TNFSF4: variants seen among roughly 807,000 people sequenced by gnomAD.
TNFSF4 encodes TNF superfamily member 4.
A neutral mutation model predicts 7.3 loss-of-function variants in TNFSF4; 4 were observed. That is an observed-to-expected ratio of 0.55 (90% CI 0.27 to 1.25). The LOEUF (loss-of-function observed/expected upper bound fraction) is 1.25, where lower values mean the gene tolerates loss of function less well. Ranked by LOEUF, TNFSF4 falls within the 50% of genes most tolerant of loss-of-function variation. The probability of loss-of-function intolerance (pLI) is 0.12; values close to 1 mark genes in which losing one functional copy is unlikely to be tolerated. For missense variants in TNFSF4, 181 were observed against 208.8 expected, an observed-to-expected ratio of 0.87 and a Z score of 0.82; for synonymous variants, 76 against 83.7, an observed-to-expected ratio of 0.91 and a Z score of 0.50.
At chr1:173,318,779 T>C in the TNFSF4 span, among the ~76,000 whole-genome samples, 2 of 152,144 alleles carry the variant, frequency 1.3e-5, no homozygotes, top group African/African-American at 4.8e-5. Flanking sequence ...GATGACCGAA[T>C]AGGAACAGCT....
chr1:173,418,404 AC>A, the TNFSF4 span: 1 of 151,892 alleles, frequency 6.6e-6, no homozygotes, highest in Non-Finnish European at 1.5e-5. Context: ...CATCCCGGAA[AC>A]CCCCTGGTCA....
At chr1:173,256,850 G>A in the TNFSF4 span, among the ~76,000 whole-genome samples, 1 of 152,246 alleles carries the variant, frequency 6.6e-6, no homozygotes, top group African/African-American at 2.4e-5. Context: ...AAAGGGCACT[G>A]AAATGTTTGA....
chr1:173,234,566 G>A, the TNFSF4 span, among the ~76,000 whole-genome samples: 1 of 152,164 alleles, frequency 6.6e-6, no homozygotes, highest in East Asian at 1.9e-4. Flanking sequence ...CAGTGATAGA[G>A]TGGATTAAGA....
the TNFSF4 span, among the ~76,000 whole-genome samples, chr1:173,397,207 T>C: frequency 2.0e-5 from 3 of 152,180 alleles, no homozygotes; most frequent in African/African-American, 7.2e-5. Flanking sequence ...GAACAAAGTC[T>C]AACCTGTATC....
the TNFSF4 span, among the ~76,000 whole-genome samples, chr1:173,239,564 A>T: frequency 6.6e-6 from 1 of 152,206 alleles, no homozygotes; most frequent in African/African-American, 2.4e-5. Context: ...GGTAGAGCAG[A>T]TCCTGTTATC....
At chr1:173,394,995 G>A in the TNFSF4 span, among the ~76,000 whole-genome samples, 1 of 114,436 alleles carries the variant, frequency 8.7e-6, no homozygotes, top group South Asian at 3.3e-4. Flanking sequence ...CACATAGATA[G>A]ATAGATAGAT....
At chr1:173,251,236 A>G in the TNFSF4 span, among the ~76,000 whole-genome samples, 5 of 152,262 alleles carry the variant, frequency 3.3e-5, no homozygotes, top group Admixed American at 6.5e-5. Flanking sequence ...CTTTGCTCCC[A>G]GAATTCTACC....
At chr1:173,317,130 A>T in the TNFSF4 span, among the ~76,000 whole-genome samples, 1 of 152,188 alleles carries the variant, frequency 6.6e-6, no homozygotes, top group Non-Finnish European at 1.5e-5. Flanking sequence ...GAGGTCAAAT[A>T]ATTTGAGACC....
At chr1:173,246,914 C>G in the TNFSF4 span, among the ~76,000 whole-genome samples, 1 of 152,190 alleles carries the variant, frequency 6.6e-6, no homozygotes, top group African/African-American at 2.4e-5. Context: ...CAAGAACTTG[C>G]CAAACTTGGC....
At chr1:173,267,745 G>C in the TNFSF4 span, among the ~76,000 whole-genome samples, 2 of 152,034 alleles carry the variant, frequency 1.3e-5, no homozygotes, top group African/African-American at 4.8e-5. Flanking sequence ...TTACTCACTA[G>C]TCAGTCCTTC....
chr1:173,351,250 G>A, the TNFSF4 span, among the ~76,000 whole-genome samples: 2 of 152,162 alleles, frequency 1.3e-5, no homozygotes, highest in Admixed American at 1.3e-4. Flanking sequence ...CCTCTGTCTG[G>A]AACATTCTTA....
the TNFSF4 span, among the ~76,000 whole-genome samples, chr1:173,222,647 C>T: frequency 6.6e-6 from 1 of 152,178 alleles, no homozygotes; most frequent in Non-Finnish European, 1.5e-5. Flanking sequence ...GATATGGTCT[C>T]TCCTCTGTCA....
chr1:173,319,917 T>C, the TNFSF4 span, among the ~76,000 whole-genome samples: 2 of 151,948 alleles, frequency 1.3e-5, no homozygotes, highest in Admixed American at 1.3e-4. Flanking sequence ...ATGAAAACGC[T>C]AAAAATTCCA....
chr1:173,212,386 T>C, the TNFSF4 span, among the ~76,000 whole-genome samples: 18 of 152,234 alleles, frequency 1.2e-4, no homozygotes, highest in Non-Finnish European at 2.2e-4. Flanking sequence ...GACTTGTGAA[T>C]CTCCCTAAAC....
chr1:173,276,507 T>C, the TNFSF4 span, among the ~76,000 whole-genome samples: 1 of 152,092 alleles, frequency 6.6e-6, no homozygotes, highest in African/African-American at 2.4e-5. Context: ...GAGCCTGACC[T>C]AAACAGCAGC....
the TNFSF4 span, among the ~76,000 whole-genome samples, chr1:173,316,275 A>G: frequency 6.6e-6 from 1 of 152,176 alleles, no homozygotes; most frequent in East Asian, 1.9e-4. Context: ...ATCTGACTGT[A>G]GATATATATG....
At chr1:173,196,670 G>T (rs550488608) in intron 1 of TNFSF4, among the ~76,000 whole-genome samples, 2 of 152,192 alleles carry the variant, frequency 1.3e-5, no homozygotes, top group Non-Finnish European at 2.9e-5. Flanking sequence ...CTATATTTAG[G>T]TAAACAATCA....
At position 173,184,021 on chromosome 1, in the gene TNFSF4, A is replaced by T. The variant is rs1405124472; in HGVS notation, c.*2495T>A. On this transcript the variant is annotated 3_prime_UTR_variant, in exon 3 of 3. Transcript: ENST00000281834. ...GAAGATGTAAGCTTGTCCAGAAAAA[A>T]ATACATTCAACATAGTAAAGGAGAA... 2.0e-5 allele frequency: 3 copies of T among 152,212 alleles called. No individual in the cohort carries two copies. The highest frequency in any genetic ancestry group is 7.2e-5 in the African/African-American group (3 of 41,448). The allele number at this position is 152,212 out of a possible 1,614,324, so 9.4% of individuals were successfully genotyped here.
Position 173,199,613 on chromosome 1 carries a change from G to A in TNFSF4, c.153+7411C>T, listed in dbSNP as rs1012257338. On this transcript the variant is annotated intron_variant, in intron 1 of 2. Transcript: ENST00000281834. ...AGCCTTCAGAGGAGCGTGGCCTTCC[G>A]ACATCTGGATTTCACATTTCTATTC... 2.6e-5 allele frequency among the ~76,000 whole-genome samples: 4 copies of A among 152,182 alleles called. No individual in the cohort carries two copies. The East Asian group carries it at 5.8e-4, about 22-fold the overall frequency.
Sources: gnomAD v4.1 joint callset for allele counts (sites outside exome capture counted in the v4.1 genomes callset) on GRCh38, gnomAD v4.1.1 for gene constraint, MANE v1.5 for transcripts, NCBI Gene and HGNC (gene_info 2026-07-23, HGNC 2026-07-21) for gene names.